Variants in ALDH1A2 observed in about 807,000 individuals in gnomAD.
ALDH1A2 encodes the protein aldehyde dehydrogenase 1 family member A2, also known as retinal dehydrogenase 2.
In ALDH1A2, 27 loss-of-function variants were observed where a neutral mutation model predicts 60.3. That is an observed-to-expected ratio of 0.45 (90% CI 0.33 to 0.62). The LOEUF is 0.62. ALDH1A2 is among the 20% of genes least tolerant of loss of function. The probability of loss-of-function intolerance (pLI) is 0.02; values close to 1 mark genes in which losing one functional copy is unlikely to be tolerated. For missense variants in ALDH1A2, 581 were observed against 643.8 expected (o/e 0.90, Z 1.06); for synonymous variants, 289 against 232.4 (o/e 1.24, Z -2.21).
In ALDH1A2 at chr15:57,988,411, C is replaced by G. The variant is rs566030676; in HGVS notation, c.798+4294G>C. 2.0e-5 allele frequency among the ~76,000 whole-genome samples: 3 copies of G among 152,154 alleles called. No homozygotes were observed. The South Asian group carries it at 6.2e-4, about 32-fold the overall frequency. On this transcript the variant is annotated intron_variant, in intron 7 of 12. Coordinates refer to ENST00000249750, the MANE Select transcript of ALDH1A2 (RefSeq NM_003888.4). ...GGCAGACAAAGAGGGAAAATATGGACAAAGAGAAAACAAATCAAAATGGGG... is the reference window on the plus strand; with the variant it reads ...GGCAGACAAAGAGGGAAAATATGGAGAAAGAGAAAACAAATCAAAATGGGG...
chr15:57,984,892 C>T (rs1894644153), intron 7 of ALDH1A2, among the ~76,000 whole-genome samples: 1 of 152,042 alleles, frequency 6.6e-6, no homozygotes, highest in Non-Finnish European at 1.5e-5. Context: ...TGGTTTTTGT[C>T]CTTTATTCCA....
At chr15:58,019,558 T>C in intron 1 of ALDH1A2, among the ~76,000 whole-genome samples, 1 of 152,240 alleles carries the variant, frequency 6.6e-6, no homozygotes. Flanking sequence ...TAAAATCATG[T>C]AATTCTGTGA....
chr15:57,991,397 C>T (rs1470160593), intron 7 of ALDH1A2: 2 of 152,088 alleles, frequency 1.3e-5, no homozygotes, highest in Admixed American at 6.5e-5. Context: ...TCGACAAACA[C>T]AAAACTCAGT....
intron 1 of ALDH1A2, among the ~76,000 whole-genome samples, chr15:58,040,601 C>T (rs893105848): frequency 6.6e-6 from 1 of 151,832 alleles, no homozygotes; most frequent in Admixed American, 6.6e-5. Context: ...ATTGACAGGG[C>T]AAAAAACTTG....
rs1277891422 is a variant in ALDH1A2 at position 58,065,661 on chromosome 15, CGGGTG to C, written c.-16_-12del. The C allele has an allele frequency of 1.9e-6, 3 of 1,571,918 alleles. No homozygotes were observed. Among genetic ancestry groups the C allele is most frequent in the African/African-American group, 1.4e-5 (1 of 73,924 alleles). On this transcript the variant is annotated 5_prime_UTR_variant, in exon 1 of 13. Transcript: ENST00000249750. Reference sequence around the variant, plus strand: ...CTTGCTGGAAGTCATGGTGGCGGGCCGGGTGTCCCTAGCCCGCGGCGTGGGGCAGT... The same window carrying C: ...CTTGCTGGAAGTCATGGTGGCGGGCCTCCCTAGCCCGCGGCGTGGGGCAGT...
intron 7 of ALDH1A2, among the ~76,000 whole-genome samples, chr15:57,989,374 C>CCAAT (rs1424792290): frequency 6.6e-6 from 1 of 152,056 alleles, no homozygotes; most frequent in East Asian, 1.9e-4. Flanking sequence ...TAATGTTATG[C>CCAAT]CAATCAAAAT....
intron 5 of ALDH1A2, among the ~76,000 whole-genome samples, chr15:57,994,300 T>C (rs1894983237): frequency 6.6e-6 from 1 of 152,190 alleles, no homozygotes. Context: ...CAAATAAATA[T>C]TATATCTTCC....
chr15:57,964,131 C>T lies in ALDH1A2; in HGVS notation c.902-62G>A, dbSNP rs568894798. The T allele has an allele frequency of 1.2e-4, 196 of 1,581,172 alleles. 1 individual carries two copies. The African/African-American group carries it at 1.9e-3, about 15-fold the overall frequency. On this transcript the variant is annotated intron_variant, in intron 8 of 12. Coordinates refer to ENST00000249750, the MANE Select transcript of ALDH1A2 (RefSeq NM_003888.4). ...CTGGGGAGGGGCCTGTCTATGAAGC[C>T]GCCTCCCTCCCCTCTCCAAAGCCCT... is the stretch of plus-strand genomic sequence containing the variant.
At chr15:57,960,202 C>A (rs1390229202) in intron 12 of ALDH1A2, among the ~76,000 whole-genome samples, 1 of 152,158 alleles carries the variant, frequency 6.6e-6, no homozygotes, top group Non-Finnish European at 1.5e-5. Context: ...CCTTAAGGAC[C>A]TGCATCTTCC....
intron 1 of ALDH1A2, among the ~76,000 whole-genome samples, chr15:58,063,684 G>A (rs1414891418): frequency 2.6e-5 from 4 of 152,106 alleles, no homozygotes; most frequent in Admixed American, 6.5e-5. Context: ...GAAAGAGCTC[G>A]CCTTTAGATT....
chr15:58,057,903 A>G, intron 1 of ALDH1A2: 1 of 508,122 alleles, frequency 2.0e-6, no homozygotes, highest in Non-Finnish European at 2.9e-6. Context: ...GCTACAGCCA[A>G]AAATAAAAAT....
intron 1 of ALDH1A2, among the ~76,000 whole-genome samples, chr15:58,047,024 G>A (rs569670375): frequency 1.4e-4 from 22 of 152,148 alleles, no homozygotes; most frequent in South Asian, 1.0e-3. Flanking sequence ...AGGAAAACAA[G>A]AGAGGACAAA....
intron 7 of ALDH1A2, among the ~76,000 whole-genome samples, chr15:57,981,253 C>T (rs535535373): frequency 4.0e-5 from 6 of 151,130 alleles, no homozygotes; most frequent in Middle Eastern, 3.4e-3. Flanking sequence ...CAAGCAAGCA[C>T]GAAGGCAGTC....
intron 1 of ALDH1A2, chr15:58,057,893 G>C (rs1363698105): frequency 2.3e-6 from 1 of 427,420 alleles, no homozygotes; most frequent in Admixed American, 4.7e-5. Context: ...AGTAGCTCTG[G>C]CTACAGCCAA....
At chr15:57,965,557 G>T (rs1359020945) in intron 8 of ALDH1A2, among the ~76,000 whole-genome samples, 168 bp downstream of exon 8, 1 of 152,170 alleles carries the variant, frequency 6.6e-6, no homozygotes, top group East Asian at 1.9e-4. Flanking sequence ...GTCGTCAACT[G>T]AAAAGTGCTC....
At chr15:57,981,168 T>C (rs1227937607) in intron 7 of ALDH1A2, among the ~76,000 whole-genome samples, 2 of 152,292 alleles carry the variant, frequency 1.3e-5, no homozygotes, top group East Asian at 3.9e-4. Flanking sequence ...AACCAGCTCC[T>C]GGGTTCCTGC....
intron 4 of ALDH1A2, among the ~76,000 whole-genome samples, chr15:57,999,884 T>A (rs1299847122): frequency 6.6e-6 from 1 of 151,914 alleles, no homozygotes; most frequent in Non-Finnish European, 1.5e-5. Context: ...TATGCAGCCA[T>A]AAAAAGGAAT....
chr15:57,976,791 T>C (rs942687511), intron 7 of ALDH1A2, among the ~76,000 whole-genome samples: 2 of 152,192 alleles, frequency 1.3e-5, no homozygotes, highest in African/African-American at 4.8e-5. Flanking sequence ...GTAATGCGAT[T>C]GTTGGGTCAA....
chr15:58,023,288 C>A (rs999595136), intron 1 of ALDH1A2, among the ~76,000 whole-genome samples: 2 of 152,136 alleles, frequency 1.3e-5, no homozygotes, highest in South Asian at 2.1e-4. Flanking sequence ...AAACAAAGAA[C>A]AGAGAATTTA....
Sources: gnomAD v4.1 joint callset for allele counts (sites outside exome capture counted in the v4.1 genomes callset) on GRCh38, gnomAD v4.1.1 for gene constraint, MANE v1.5 for transcripts, NCBI Gene and HGNC (gene_info 2026-07-23, HGNC 2026-07-21) for gene names.